The following FBXO28 variants were observed in gnomAD, a reference collection of about 807,000 sequenced individuals.
FBXO28 encodes the protein F-box only protein 28.
Under a neutral mutation model 38.1 loss-of-function variants are expected in FBXO28, and 8 were observed. The ratio of observed to expected loss-of-function variants is 0.21; its 90% CI spans 0.12 to 0.38. The LOEUF is 0.38. FBXO28 is among the 10% of genes least tolerant of loss of function. FBXO28 has a pLI of 1.00. For synonymous variants in FBXO28, 168 were observed against 173.8 expected (o/e 0.97, Z 0.26); for missense variants, 345 against 460.6 (o/e 0.75, Z 2.30).
At chr1:224,150,364 A>G (rs1657612375) in intron 3 of FBXO28, among the ~76,000 whole-genome samples, 1 of 152,096 alleles carries the variant, frequency 6.6e-6, no homozygotes, top group South Asian at 2.1e-4. Context: ...TATATAACCC[A>G]TATGTAAAAC....
chr1:224,136,101 G>GTTTTTTTTTTTTTTTTTTTTTTT (rs397982996), intron 3 of FBXO28, among the ~76,000 whole-genome samples: 4 of 75,130 alleles, frequency 5.3e-5, no homozygotes, highest in African/African-American at 1.1e-4. Context: ...GTTGACTTCA[G>GTTTTTTTTTTTTTTTTTTTTTTT]TTTTTTTTTT....
intron 1 of FBXO28, among the ~76,000 whole-genome samples, chr1:224,114,603 G>A (rs937378244): frequency 6.6e-6 from 1 of 152,258 alleles, no homozygotes; most frequent in African/African-American, 2.4e-5. Context: ...TGCGGAGCTG[G>A]GGTTACTTCC....
intron 3 of FBXO28, among the ~76,000 whole-genome samples, chr1:224,145,052 C>T (rs989762711): frequency 2.6e-5 from 4 of 151,682 alleles, no homozygotes; most frequent in South Asian, 2.1e-4. Flanking sequence ...GAGGCTGAGT[C>T]GAGTGGATCG....
chr1:224,121,578 C>G (rs1656780480), intron 1 of FBXO28, among the ~76,000 whole-genome samples: 1 of 152,178 alleles, frequency 6.6e-6, no homozygotes, highest in South Asian at 2.1e-4. Flanking sequence ...CAGCCTCAAA[C>G]TCTTGGCCTC....
chr1:224,132,829 T>C (rs916243736), intron 2 of FBXO28, among the ~76,000 whole-genome samples: 2 of 151,636 alleles, frequency 1.3e-5, no homozygotes, highest in African/African-American at 4.8e-5. Flanking sequence ...AAAAACAATT[T>C]GGCTGTTCTC....
At chr1:224,134,650 A>G (rs1041179771) in intron 3 of FBXO28, among the ~76,000 whole-genome samples, 1 of 152,204 alleles carries the variant, frequency 6.6e-6, no homozygotes, top group South Asian at 2.1e-4. Context: ...TTTGACAAGA[A>G]TAAACAATTG....
intron 3 of FBXO28, among the ~76,000 whole-genome samples, chr1:224,150,842 CTCCT>C (rs1464663030): frequency 1.3e-5 from 2 of 152,230 alleles, no homozygotes; most frequent in East Asian, 3.9e-4. Flanking sequence ...CCATGTGGCA[CTCCT>C]TTAAATTATT....
chr1:224,125,676 C>T (rs2102613375), intron 1 of FBXO28, among the ~76,000 whole-genome samples: 1 of 145,652 alleles, frequency 6.9e-6, no homozygotes, highest in South Asian at 2.2e-4. Context: ...GAGTCTCGTT[C>T]TGTCATCCAG....
intron 3 of FBXO28, among the ~76,000 whole-genome samples, chr1:224,142,552 ACGC>A (rs1385480435): frequency 6.6e-6 from 1 of 151,992 alleles, no homozygotes; most frequent in Non-Finnish European, 1.5e-5. Flanking sequence ...TCAGTGGCTC[ACGC>A]CTGTGATCCC....
In FBXO28 at chr1:224,158,449, T is replaced by C. The variant is rs1355827845; in HGVS notation, c.*703T>C. ...TGCCTAGTCAACTCACTTAAAAAGCTCTTGCACTGGTATTGATCTTGAACC... is the reference window on the plus strand; with the variant it reads ...TGCCTAGTCAACTCACTTAAAAAGCCCTTGCACTGGTATTGATCTTGAACC... On this transcript the variant is annotated 3_prime_UTR_variant, in exon 5 of 5. Coordinates refer to ENST00000366862, the MANE Select transcript of FBXO28 (RefSeq NM_015176.4). 6.4e-6 allele frequency: 1 copy of C among 155,368 alleles called. No homozygotes were observed. The highest frequency in any genetic ancestry group is 1.4e-5 in the Non-Finnish European group (1 of 70,588). The allele number at this position is 155,368 out of a possible 1,614,324, so 9.6% of individuals were successfully genotyped here. A position where few individuals can be genotyped will look rare whatever the true frequency, so the allele number is the denominator to read the frequency against.
At chr1:224,114,620 G>GGTT (rs1656601570) in intron 1 of FBXO28, among the ~76,000 whole-genome samples, 1 of 65,800 alleles carries the variant, frequency 1.5e-5, no homozygotes. Flanking sequence ...TTCCTGAGGG[G>GGTT]ACTTCGCCTT....
chr1:224,117,881 C>T (rs796245313), intron 1 of FBXO28, among the ~76,000 whole-genome samples: 3 of 152,210 alleles, frequency 2.0e-5, no homozygotes, highest in Admixed American at 1.3e-4. Context: ...TGGTGGCACA[C>T]GCCTGTAATC....
At chr1:224,139,280 G>C (rs902564820) in intron 3 of FBXO28, among the ~76,000 whole-genome samples, 7 of 151,796 alleles carry the variant, frequency 4.6e-5, no homozygotes, top group Admixed American at 3.9e-4. Flanking sequence ...AAAGAAAATT[G>C]GTGGTGGTAA....
rs1657823961 is a variant in FBXO28 at position 224,158,556 on chromosome 1, A to G, written c.*810A>G. Reference sequence around the variant, plus strand: ...TTCCACCGCAACAGCTTGCCTCTAGAGGGGGAATTGTTCATCCATTTGTCC... The same window carrying G: ...TTCCACCGCAACAGCTTGCCTCTAGGGGGGGAATTGTTCATCCATTTGTCC... On this transcript the variant is annotated 3_prime_UTR_variant, in exon 5 of 5. Transcript: ENST00000366862. 6.6e-6 allele frequency: 1 copy of G among 152,540 alleles called. No homozygotes were observed. Among genetic ancestry groups the G allele is most frequent in the African/African-American group, 2.4e-5 (1 of 41,434 alleles). The allele number at this position is 152,540 out of a possible 1,614,324, so 9.4% of individuals were successfully genotyped here. A position where few individuals can be genotyped will look rare whatever the true frequency, so the allele number is the denominator to read the frequency against.
chr1:224,133,958 G>C, intron 2 of FBXO28, 116 bp from the exon 3 acceptor site: 3 of 696,850 alleles, frequency 4.3e-6, no homozygotes, highest in Non-Finnish European at 6.4e-6. Context: ...CCCAACTGTA[G>C]ATTTCTAAAT....
intron 1 of FBXO28, among the ~76,000 whole-genome samples, chr1:224,117,730 C>T (rs1386295637): frequency 6.6e-6 from 1 of 152,136 alleles, no homozygotes; most frequent in Admixed American, 6.5e-5. Flanking sequence ...GGCTCACTTA[C>T]AGTGCGGTGG....
intron 3 of FBXO28, among the ~76,000 whole-genome samples, chr1:224,137,422 C>T (rs1480323712): frequency 6.6e-6 from 1 of 151,506 alleles, no homozygotes; most frequent in Non-Finnish European, 1.5e-5. Flanking sequence ...ACTCAGGAGA[C>T]TGAGGCAGGA....
rs547441528 is a variant in FBXO28 at position 224,154,703 on chromosome 1, G to A, written c.712+1366G>A. On this transcript the variant is annotated intron_variant, in intron 4 of 4. Coordinates refer to ENST00000366862, the MANE Select transcript of FBXO28 (RefSeq NM_015176.4). ...GGTGTCTGTAGTTCCAGCTACTCAG[G>A]AGGCTGAGGCAGGAGAATGGCATGA... Among the ~76,000 whole-genome samples the A allele has an allele frequency of 3.3e-5, 5 of 152,238 alleles. No homozygotes were observed. The South Asian group carries it at 1.0e-3, about 32-fold the overall frequency.
rs1558200584 is a variant in FBXO28, at chr1:224,160,784, C to CT, written c.*3039dup. 1 of 152,144 alleles carries CT rather than the reference C, an allele frequency of 6.6e-6. No homozygotes were observed. The highest frequency in any genetic ancestry group is 1.5e-5 in the Non-Finnish European group (1 of 68,012). The allele number at this position is 152,144 out of a possible 1,614,324, so 9.4% of individuals were successfully genotyped here. A position where few individuals can be genotyped will look rare whatever the true frequency, so the allele number is the denominator to read the frequency against. ...ACTTTACAGGGGCTTGCCTTAATCT[C>CT]TATTTAGTAGTTTCAAGATATATGC... On this transcript the variant is annotated 3_prime_UTR_variant, in exon 5 of 5. Coordinates refer to ENST00000366862, the MANE Select transcript of FBXO28 (RefSeq NM_015176.4).
Sources: allele counts gnomAD v4.1 joint callset (sites outside exome capture counted in the v4.1 genomes callset), GRCh38; gene constraint gnomAD v4.1.1; transcripts MANE v1.5; gene names NCBI Gene and HGNC (gene_info 2026-07-23, HGNC 2026-07-21).